TENM1: variants seen among roughly 807,000 people sequenced by gnomAD.
TENM1 encodes the protein teneurin-1.
A neutral mutation model predicts 174.8 loss-of-function variants in TENM1; 35 were observed. That is an observed-to-expected ratio of 0.20 (90% CI 0.15 to 0.27). TENM1 has a LOEUF of 0.27. Among genes scored for constraint, TENM1 ranks in the 10% least tolerant of loss-of-function variants. The probability of loss-of-function intolerance (pLI) is 1.00; values close to 1 mark genes in which losing one functional copy is unlikely to be tolerated. For synonymous variants in TENM1, 781 were observed against 798.7 expected (o/e 0.98, Z 0.37); for missense variants, 1,633 against 2,130.1 (o/e 0.77, Z 4.59).
chrX:125,132,094 C>T, the TENM1 span, among the ~76,000 whole-genome samples: 2 of 111,947 alleles, frequency 1.8e-5, no homozygotes, highest in African/African-American at 6.5e-5. Flanking sequence ...ATTGCATGTG[C>T]ATGGCCTTGG....
the TENM1 span, among the ~76,000 whole-genome samples, chrX:125,145,361 C>A: frequency 8.9e-6 from 1 of 112,186 alleles, no homozygotes; most frequent in Non-Finnish European, 1.9e-5. Flanking sequence ...TGGAAATCAT[C>A]AAGGCTGTAA....
At chrX:124,929,165 T>A (rs1027084836) in intron 1 of TENM1, among the ~76,000 whole-genome samples, 1 of 111,886 alleles carries the variant, frequency 8.9e-6, no homozygotes, top group Non-Finnish European at 1.9e-5. Flanking sequence ...TGAGTTCCAA[T>A]TCTTTTCTGA....
intron 1 of TENM1, among the ~76,000 whole-genome samples, chrX:124,927,585 G>A (rs963929407): frequency 3.6e-5 from 4 of 111,753 alleles, no homozygotes; most frequent in Admixed American, 1.9e-4. Context: ...CTATATGAGG[G>A]GGGAAGAGAG....
the TENM1 span, among the ~76,000 whole-genome samples, chrX:125,142,601 C>T: frequency 9.0e-6 from 1 of 110,863 alleles, no homozygotes; most frequent in South Asian, 3.9e-4. Context: ...CTGAAAAACC[C>T]CACTGCTATA....
At chrX:124,960,485 G>T (rs1217030959) in intron 1 of TENM1, among the ~76,000 whole-genome samples, 1 of 111,738 alleles carries the variant, frequency 8.9e-6, no homozygotes, top group Non-Finnish European at 1.9e-5. Flanking sequence ...CTCAGCATTG[G>T]CTTCAAGGTC....
the TENM1 span, among the ~76,000 whole-genome samples, chrX:124,971,761 G>C: frequency 2.7e-5 from 3 of 111,760 alleles, no homozygotes; most frequent in Non-Finnish European, 3.8e-5. Flanking sequence ...TGTCAACTTT[G>C]AGTATTATTT....
At chrX:124,862,195 A>G (rs941725687) in intron 3 of TENM1, among the ~76,000 whole-genome samples, 1 of 112,146 alleles carries the variant, frequency 8.9e-6, no homozygotes, top group Non-Finnish European at 1.9e-5. Context: ...TGTGCAAGAA[A>G]TAGGGGGAGG....
chrX:124,808,525 T>A (rs962288641), intron 3 of TENM1, among the ~76,000 whole-genome samples: 1 of 112,286 alleles, frequency 8.9e-6, no homozygotes, highest in Non-Finnish European at 1.9e-5. Flanking sequence ...AGAAGCAGAA[T>A]GTGCATTCTT....
intron 1 of TENM1, among the ~76,000 whole-genome samples, chrX:124,949,382 T>C (rs1809530099): frequency 8.9e-6 from 1 of 111,991 alleles, no homozygotes; most frequent in Non-Finnish European, 1.9e-5. Flanking sequence ...GCACTTACTA[T>C]ATGACAGGGT....
At chrX:124,611,099 A>C (rs1458384576) in intron 11 of TENM1, among the ~76,000 whole-genome samples, 1 of 111,713 alleles carries the variant, frequency 9.0e-6, no homozygotes, top group Admixed American at 9.5e-5. Flanking sequence ...GTGGGTGGAA[A>C]CAACAGATGC....
At chrX:125,187,242 G>A in the TENM1 span, among the ~76,000 whole-genome samples, 4 of 112,120 alleles carry the variant, frequency 3.6e-5, no homozygotes, top group African/African-American at 9.7e-5. Context: ...CCTGGGCGAC[G>A]GGGCAAGACT....
At position 124,653,765 on chromosome X, in the gene TENM1, G is replaced by A. The variant is rs146613496; in HGVS notation, c.1187C>T (p.Ala396Val). ...AATGTCAACTTCTCCAGTGTCTATC[G>A]CCCGTCCCTTCTGAAACACTAGTTT... The change falls in exon 7 of 32, where the codon GCG becomes GTG. Residue 396 changes from alanine (A) to valine (V), a missense_variant. Ala to Val is a moderately conservative substitution (Grantham distance 64). Around this residue, in one of 4 missense-constraint regions of TENM1, gnomAD observed 305 missense variants for 309.2 expected, o/e 0.99. Transcript: ENST00000422452. The A allele has an allele frequency of 5.6e-5, 68 of 1,206,074 alleles. No homozygotes were observed. In the Admixed American group the frequency reaches 8.4e-4, roughly 15 times the overall value.
chrX:124,753,168 C>G (rs2054128060), intron 3 of TENM1, among the ~76,000 whole-genome samples: 3 of 108,813 alleles, frequency 2.8e-5, no homozygotes, highest in Admixed American at 1.9e-4. Flanking sequence ...TTTCATTGAG[C>G]AGTGGTTTGT....
At chrX:124,512,392 G>A (rs890206643) in intron 18 of TENM1, among the ~76,000 whole-genome samples, 2 of 111,363 alleles carry the variant, frequency 1.8e-5, no homozygotes, top group African/African-American at 3.3e-5. Context: ...AAAGCACTAA[G>A]TCCAAATTAT....
chrX:124,596,274 A>C (rs1291747541), intron 11 of TENM1, among the ~76,000 whole-genome samples: 1 of 111,974 alleles, frequency 8.9e-6, no homozygotes, highest in Non-Finnish European at 1.9e-5. Context: ...GATACACCTA[A>C]ATGTTTGACT....
the TENM1 span, among the ~76,000 whole-genome samples, chrX:125,000,211 T>C: frequency 8.9e-6 from 1 of 112,115 alleles, no homozygotes; most frequent in African/African-American, 3.2e-5. Flanking sequence ...ATTATTCATG[T>C]TCAGCATAAA....
At chrX:125,135,744 CAT>C in the TENM1 span, among the ~76,000 whole-genome samples, 1 of 112,042 alleles carries the variant, frequency 8.9e-6, no homozygotes, top group Non-Finnish European at 1.9e-5. Flanking sequence ...TAGAGTATCA[CAT>C]GTCCCTAATC....
intron 28 of TENM1, among the ~76,000 whole-genome samples, chrX:124,391,436 T>C (rs2060280751): frequency 9.0e-6 from 1 of 111,347 alleles, no homozygotes; most frequent in Admixed American, 9.6e-5. Flanking sequence ...GGCTGATGTT[T>C]GACAAATGGT....
chrX:124,724,279 G>A lies in TENM1; in HGVS notation c.776+12678C>T, dbSNP rs1603073506. Among the ~76,000 whole-genome samples the A allele has an allele frequency of 2.7e-5, 3 of 112,234 alleles. No individual in the cohort carries two copies. The Admixed American group carries it at 2.8e-4, about 11-fold the overall frequency. On this transcript the variant is annotated intron_variant, in intron 4 of 31. Coordinates refer to ENST00000422452, the Ensembl canonical transcript of TENM1. ...CCATGCATTTTGTTGAACGATATGAGCCAAGCACTGAGGGATCAACATAAG... is the reference window on the plus strand; with the variant it reads ...CCATGCATTTTGTTGAACGATATGAACCAAGCACTGAGGGATCAACATAAG...
Sources: gnomAD v4.1 joint callset for allele counts (sites outside exome capture counted in the v4.1 genomes callset) on GRCh38, gnomAD v4.1.1 for gene constraint, gnomAD v4.1.1 regional missense constraint, MANE v1.5 for transcripts, NCBI Gene and HGNC (gene_info 2026-07-23, HGNC 2026-07-21) for gene names.